Variants in PPCS observed in about 807,000 individuals in gnomAD.
The protein encoded by PPCS is phosphopantothenate--cysteine ligase.
In PPCS, 17 loss-of-function variants were observed where a neutral mutation model predicts 24.6. The observed-to-expected ratio is 0.69, with a 90% CI of 0.47 to 1.04. PPCS has a LOEUF of 1.04. Among genes scored for constraint, PPCS ranks in the 50% least tolerant of loss-of-function variants. The probability of loss-of-function intolerance (pLI) is 0.00; values close to 1 mark genes in which losing one functional copy is unlikely to be tolerated. For missense variants in PPCS, 360 were observed against 402.8 expected (o/e 0.89, Z 0.91); for synonymous variants, 190 against 168.3 (o/e 1.13, Z -1.00).
Position 42,456,853 on chromosome 1 carries a change from C to T in PPCS, c.288C>T (p.Phe96=), listed in dbSNP as rs188411740. 9.4e-5 allele frequency: 151 copies of T among 1,613,536 alleles called. No individual in the cohort carries two copies. In the African/African-American group the frequency reaches 1.8e-3, roughly 19 times the overall value. The change falls in exon 1 of 3, where the codon TTC becomes TTT. Residue 96 remains phenylalanine (F), a synonymous_variant. Coordinates refer to ENST00000372561, the MANE Select transcript of PPCS (RefSeq NM_024664.4). The part of the protein sequence containing the change: ...ARSAFPYAHR[F]PPQTWLSALR... ...CTGCCTTCCCCTATGCCCACCGCTT[C>T]CCACCCCAGACTTGGCTGTCCGCTC...
chr1:42,456,560 C>A lies in PPCS; in HGVS notation c.-6C>A, dbSNP rs1039397311. On this transcript the variant is annotated 5_prime_UTR_variant, in exon 1 of 3. The change creates a new upstream start codon in the 5' untranslated region. Coordinates refer to ENST00000372561, the MANE Select transcript of PPCS (RefSeq NM_024664.4). Reference sequence around the variant, plus strand: ...ACGTGCGCAGGCGCCGGCCGCTGCGCTGCAGATGGCGGAAATGGATCCGGT... The same window carrying A: ...ACGTGCGCAGGCGCCGGCCGCTGCGATGCAGATGGCGGAAATGGATCCGGT... The A allele has an allele frequency of 6.8e-7, 1 of 1,468,382 alleles. No homozygotes were observed. The highest frequency in any genetic ancestry group is 9.0e-7 in the Non-Finnish European group (1 of 1,112,252). The allele number at this position is 1,468,382 out of a possible 1,614,324, so 91.0% of individuals were successfully genotyped here.
intron 2 of PPCS, among the ~76,000 whole-genome samples, chr1:42,469,931 G>A (rs1227024612): frequency 6.6e-6 from 1 of 152,220 alleles, no homozygotes; most frequent in African/African-American, 2.4e-5. Flanking sequence ...CAGCGGTTGA[G>A]AAGCTTGGCT....
In PPCS at chr1:42,459,984, T is replaced by C; in HGVS notation, c.*58T>C. 1 of 1,512,376 alleles carries C rather than the reference T, an allele frequency of 6.6e-7. No individual in the cohort carries two copies. The highest frequency in any genetic ancestry group is 8.8e-7 in the Non-Finnish European group (1 of 1,138,034). 93.7% of individuals were successfully genotyped at this position (1,512,376 alleles called of 1,614,324 possible). ...CAGGGCTCTTAGAGATGGTGAAAAC[T>C]ACAAAAAAAACCATGGCTTTCATAT... On this transcript the variant is annotated 3_prime_UTR_variant, in exon 3 of 3. Coordinates refer to ENST00000372561, the MANE Select transcript of PPCS (RefSeq NM_024664.4).
intron 1 of PPCS, 42 bp downstream of exon 1, chr1:42,457,115 C>T: frequency 6.3e-7 from 1 of 1,575,822 alleles, no homozygotes; most frequent in Non-Finnish European, 8.6e-7. Context: ...GAAGCACAGC[C>T]TTTCTTTCCA....
At chr1:42,471,627 C>T (rs1643772898) in intron 2 of PPCS, among the ~76,000 whole-genome samples, 1 of 152,108 alleles carries the variant, frequency 6.6e-6, no homozygotes, top group Non-Finnish European at 1.5e-5. Context: ...CTGTATGATG[C>T]TCAAAGACCT....
At chr1:42,456,461 G>C (rs1643183142), upstream of PPCS, 1 of 1,243,310 alleles carries the variant, frequency 8.0e-7, no homozygotes. Flanking sequence ...AAGAAGGGTA[G>C]TGAACCGCCC....
chr1:42,463,747 G>A (rs1320067473), downstream of PPCS: 3 of 152,124 alleles, frequency 2.0e-5, no homozygotes, highest in East Asian at 3.9e-4. Context: ...CCACTACGAA[G>A]TCCACGGAGG....
intron 2 of PPCS, among the ~76,000 whole-genome samples, chr1:42,471,723 A>G (rs1298213458): frequency 1.3e-5 from 2 of 152,168 alleles, no homozygotes; most frequent in Non-Finnish European, 2.9e-5. Flanking sequence ...TATGTCATGA[A>G]GAGGACCTAC....
downstream of PPCS, among the ~76,000 whole-genome samples, chr1:42,465,085 A>G (rs990857409): frequency 6.6e-6 from 1 of 152,212 alleles, no homozygotes; most frequent in African/African-American, 2.4e-5. Context: ...TATTTATTGA[A>G]TAGCAAGGCA....
chr1:42,469,085 A>C (rs1489296166), intron 2 of PPCS, among the ~76,000 whole-genome samples: 1 of 152,202 alleles, frequency 6.6e-6, no homozygotes, highest in Non-Finnish European at 1.5e-5. Flanking sequence ...ATGTTAAAAC[A>C]AACAAAAACA....
rs575586967 is a variant in PPCS at position 42,459,698 on chromosome 1, C to T, written c.708C>T (p.Pro236=). The change falls in exon 3 of 3, where the codon CCC becomes CCT. Residue 236 remains proline (P), a synonymous_variant. Coordinates refer to ENST00000372561, the MANE Select transcript of PPCS (RefSeq NM_024664.4). The part of the protein sequence containing the change: ...FIISFKLETD[P]AIVINRARKA... ...TTTCCTTTAAGTTGGAGACTGACCC[C>T]GCCATTGTAATTAATCGAGCTCGGA... 1.9e-4 allele frequency: 308 copies of T among 1,614,146 alleles called. 6 individuals are homozygous for T. The South Asian group carries it at 3.0e-3, about 16-fold the overall frequency.
intron 2 of PPCS, among the ~76,000 whole-genome samples, chr1:42,457,955 CAAAA>C (rs547006454): frequency 2.0e-5 from 2 of 101,076 alleles, no homozygotes; most frequent in African/African-American, 3.8e-5. Flanking sequence ...TACTCCGTCG[CAAAA>C]AAAAAAAAAA....
downstream of PPCS, among the ~76,000 whole-genome samples, chr1:42,465,089 C>T (rs1368211542): frequency 6.6e-6 from 1 of 152,112 alleles, no homozygotes; most frequent in African/African-American, 2.4e-5. Context: ...TATTGAATAG[C>T]AAGGCATAAA....
At chr1:42,461,521 A>G (rs968755923), downstream of PPCS, among the ~76,000 whole-genome samples, 2 of 151,252 alleles carry the variant, frequency 1.3e-5, no homozygotes. Context: ...TTTTTCATAG[A>G]GACAAGGTCT....
At position 42,469,213 on chromosome 1, in the gene PPCS, T is replaced by TA. The variant is rs551294001; in HGVS notation, n.378-3902dup. On this transcript the variant is annotated intron_variant and non_coding_transcript_variant, in intron 2 of 2. Transcript: ENST00000471420. ...GGGCAACATATAAGACCCTCGTCTC[T>TA]AAAAAAATAATTTTAAAAATAAGAT... Among the ~76,000 whole-genome samples the TA allele has an allele frequency of 5.2e-3, 786 of 152,210 alleles. 8 individuals carry two copies. The highest frequency in any genetic ancestry group is 0.018 in the African/African-American group (759 of 41,524).
rs1228630243 is a variant in PPCS at position 42,459,948 on chromosome 1, C to G, written c.*22C>G. 10 of 1,564,914 alleles carry G rather than the reference C, an allele frequency of 6.4e-6. No individual in the cohort carries two copies. The highest frequency in any genetic ancestry group is 1.4e-5 in the African/African-American group (1 of 72,684). ...CTGAAGTAAAAAGCCCTTATAGGAT[C>G]AAAAATTGTTCAGGGCTCTTAGAGA... is the stretch of plus-strand genomic sequence containing the variant. On this transcript the variant is annotated 3_prime_UTR_variant, in exon 3 of 3. Transcript: ENST00000372561.
In PPCS at chr1:42,461,053, G is replaced by A. The variant is rs560466062; in HGVS notation, c.*1127G>A. On this transcript the variant is annotated 3_prime_UTR_variant, in exon 3 of 3. Coordinates refer to ENST00000372561, the MANE Select transcript of PPCS (RefSeq NM_024664.4). ...AAAAAAATTCCCTAAATGATCTGTA[G>A]GATAGTCCAGGTGCAATTTGAAAAA... Among the ~76,000 whole-genome samples the A allele has an allele frequency of 2.0e-5, 3 of 152,292 alleles. No individual in the cohort carries two copies. In the East Asian group the frequency reaches 5.8e-4, roughly 29 times the overall value.
chr1:42,461,246 T>A (rs1249984443), downstream of PPCS, among the ~76,000 whole-genome samples: 3 of 152,216 alleles, frequency 2.0e-5, no homozygotes, highest in African/African-American at 7.2e-5. Flanking sequence ...ATTCTAAGAC[T>A]GAAATACTTC....
downstream of PPCS, among the ~76,000 whole-genome samples, chr1:42,462,307 T>C (rs150604727): frequency 6.4e-3 from 972 of 152,240 alleles, 9 homozygotes; most frequent in African/African-American, 0.022. Flanking sequence ...ACTAAGAACC[T>C]GATCTTGGAT....
Sources: gnomAD v4.1 joint callset for allele counts (sites outside exome capture counted in the v4.1 genomes callset) on GRCh38, gnomAD v4.1.1 for gene constraint, MANE v1.5 for transcripts, NCBI Gene and HGNC (gene_info 2026-07-23, HGNC 2026-07-21) for gene names.